NELL1: variants seen among roughly 807,000 people sequenced by gnomAD.
The protein encoded by NELL1 is protein kinase C-binding protein NELL1.
A neutral mutation model predicts 107.4 loss-of-function variants in NELL1; 76 were observed. The ratio of observed to expected loss-of-function variants is 0.71; its 90% CI spans 0.59 to 0.86. NELL1 has a LOEUF of 0.86. NELL1 is among the 40% of genes least tolerant of loss of function. NELL1 has a pLI of 0.00. For synonymous variants in NELL1, 353 were observed against 341.2 expected, an observed-to-expected ratio of 1.03 and a Z score of -0.38; for missense variants, 1,024 against 1,005.5, an observed-to-expected ratio of 1.02 and a Z score of -0.25.
chr11:21,198,536 G>A (rs1010959145), intron 13 of NELL1, among the ~76,000 whole-genome samples: 2 of 152,206 alleles, frequency 1.3e-5, no homozygotes, highest in African/African-American at 4.8e-5. Context: ...ATCACTGGTA[G>A]AGAGAGACAG....
intron 10 of NELL1, 67 bp from the exon 11 acceptor site, chr11:20,947,269 A>T (rs1850981111): frequency 9.7e-7 from 1 of 1,029,516 alleles, no homozygotes; most frequent in Admixed American, 1.7e-5. Context: ...AACAAAGAAC[A>T]TTATAAGTTT....
chr11:20,791,645 T>G (rs1220976341), intron 3 of NELL1, among the ~76,000 whole-genome samples: 1 of 152,056 alleles, frequency 6.6e-6, no homozygotes, highest in Non-Finnish European at 1.5e-5. Context: ...GTATTGTTTC[T>G]GATTTTAAAG....
intron 14 of NELL1, among the ~76,000 whole-genome samples, chr11:21,309,283 T>TATATATATATATATATGTATATATATATA (rs1849686341): frequency 1.1e-4 from 3 of 27,170 alleles, no homozygotes; most frequent in Admixed American, 3.6e-4. Flanking sequence ...TATATATGTA[T>TATATATATATATATATGTATATATATATA]ATATATATAT....
chr11:20,827,776 T>C (rs1401532619), intron 3 of NELL1, among the ~76,000 whole-genome samples: 1 of 151,340 alleles, frequency 6.6e-6, no homozygotes, highest in Non-Finnish European at 1.5e-5. Context: ...AAATTGGTTA[T>C]GATTTTCTTC....
At chr11:21,155,612 AC>A (rs1206546654) in intron 13 of NELL1, among the ~76,000 whole-genome samples, 2 of 151,736 alleles carry the variant, frequency 1.3e-5, no homozygotes, top group African/African-American at 4.8e-5. Flanking sequence ...GTGTTGTAAA[AC>A]CCCCCTTGGT....
rs1565122704 is a variant in NELL1, at chr11:21,232,152, A to AAT, written c.1549+2699_1549+2700insTA. Among the ~76,000 whole-genome samples, 77 of 61,982 alleles carry AAT rather than the reference A, an allele frequency of 1.2e-3. 1 individual carries two copies. Among genetic ancestry groups the AAT allele is most frequent in the African/African-American group, 3.2e-3 (45 of 14,028 alleles). 40.7% of individuals were successfully genotyped at this position (61,982 alleles called of 152,430 possible). A position where few individuals can be genotyped will look rare whatever the true frequency, so the allele number is the denominator to read the frequency against. ...CCATCTCTACTAAAAAAAAATAAAA[A>AAT]AAAAAAAATATATATATATATATAT... On this transcript the variant is annotated intron_variant, in intron 14 of 19. Coordinates refer to ENST00000357134, the MANE Select transcript of NELL1 (RefSeq NM_006157.5).
intron 13 of NELL1, among the ~76,000 whole-genome samples, chr11:21,150,836 A>G (rs1856098385): frequency 6.6e-6 from 1 of 152,156 alleles, no homozygotes; most frequent in South Asian, 2.1e-4. Context: ...AGGAGGTTTA[A>G]TCAACTCACA....
intron 15 of NELL1, among the ~76,000 whole-genome samples, chr11:21,378,525 A>G (rs1851534570): frequency 6.6e-6 from 1 of 151,838 alleles, no homozygotes; most frequent in Non-Finnish European, 1.5e-5. Flanking sequence ...AGCCTACTCT[A>G]TGTTCACCCT....
At chr11:21,244,923 T>G (rs1858452180) in intron 14 of NELL1, among the ~76,000 whole-genome samples, 2 of 152,156 alleles carry the variant, frequency 1.3e-5, no homozygotes, top group Non-Finnish European at 2.9e-5. Flanking sequence ...GGATAATAAT[T>G]GTGTCTATCT....
At chr11:21,319,319 GT>G (rs1849952012) in intron 14 of NELL1, among the ~76,000 whole-genome samples, 2 of 151,450 alleles carry the variant, frequency 1.3e-5, no homozygotes, top group Admixed American at 6.6e-5. Context: ...GGAATTAGAG[GT>G]GTGCACCACT....
At chr11:20,801,934 T>C (rs562146094) in intron 3 of NELL1, among the ~76,000 whole-genome samples, 89 of 152,320 alleles carry the variant, frequency 5.8e-4, no homozygotes, top group African/African-American at 2.1e-3. Context: ...TCTGTTCCAT[T>C]GGTCTATGTG....
At chr11:20,919,431 G>A (rs1850330461) in intron 7 of NELL1, 97 bp downstream of exon 7, 2 of 727,574 alleles carry the variant, frequency 2.7e-6, no homozygotes, top group Non-Finnish European at 4.8e-6. Flanking sequence ...TTTAGCCTCG[G>A]CATCTGCTAT....
At chr11:20,979,960 C>G (rs1443908048) in intron 12 of NELL1, among the ~76,000 whole-genome samples, 1 of 152,068 alleles carries the variant, frequency 6.6e-6, no homozygotes, top group Non-Finnish European at 1.5e-5. Context: ...TTCTTAAGGT[C>G]AGGGATGAGA....
intron 2 of NELL1, among the ~76,000 whole-genome samples, chr11:20,682,984 G>T (rs1416836043): frequency 6.6e-6 from 1 of 151,876 alleles, no homozygotes; most frequent in East Asian, 1.9e-4. Flanking sequence ...AATAATTTGT[G>T]TTTTTTCATC....
intron 4 of NELL1, among the ~76,000 whole-genome samples, chr11:20,867,196 A>C (rs940078930): frequency 2.0e-5 from 3 of 152,214 alleles, no homozygotes; most frequent in African/African-American, 7.2e-5. Context: ...GGAAAGTAGA[A>C]TGAACAGAGG....
intron 13 of NELL1, among the ~76,000 whole-genome samples, chr11:21,160,642 C>T (rs1856343278): frequency 6.6e-6 from 1 of 152,022 alleles, no homozygotes; most frequent in African/African-American, 2.4e-5. Flanking sequence ...TTAAAGGAAA[C>T]AAATGGAGCT....
intron 15 of NELL1, among the ~76,000 whole-genome samples, chr11:21,394,452 C>A (rs1192538943): frequency 6.6e-6 from 1 of 150,916 alleles, no homozygotes; most frequent in Non-Finnish European, 1.5e-5. Context: ...ATATATATGG[C>A]CGTGTGTGTG....
At chr11:21,365,607 A>G (rs1223758871) in intron 14 of NELL1, among the ~76,000 whole-genome samples, 2 of 152,316 alleles carry the variant, frequency 1.3e-5, no homozygotes, top group South Asian at 2.1e-4. Flanking sequence ...AACTGCTGAT[A>G]CAAACGTATA....
intron 2 of NELL1, among the ~76,000 whole-genome samples, chr11:20,693,616 C>A (rs189182963): frequency 0.01 from 1,587 of 152,212 alleles, 22 homozygotes; most frequent in Admixed American, 0.036. Context: ...TATTGGCCCC[C>A]ACTCTTTTCT....
Sources: gnomAD v4.1 joint callset for allele counts (sites outside exome capture counted in the v4.1 genomes callset) on GRCh38, gnomAD v4.1.1 for gene constraint, MANE v1.5 for transcripts, NCBI Gene and HGNC (gene_info 2026-07-23, HGNC 2026-07-21) for gene names.